The following MTHFD2L variants were observed in gnomAD, a reference collection of about 807,000 sequenced individuals.
MTHFD2L encodes the protein methylenetetrahydrofolate dehydrogenase (NADP+ dependent) 2 like.
In MTHFD2L, 29 loss-of-function variants were observed where a neutral mutation model predicts 34.9. The ratio of observed to expected loss-of-function variants is 0.83; its 90% CI spans 0.62 to 1.13. The LOEUF (loss-of-function observed/expected upper bound fraction) is 1.13. Among genes scored for constraint, MTHFD2L ranks in the 50% most tolerant of loss-of-function variants. The pLI, the probability that MTHFD2L is intolerant of heterozygous loss-of-function variation, is 0.00. For missense variants in MTHFD2L, 481 were observed against 446.5 expected (o/e 1.08, Z -0.70); for synonymous variants, 167 against 155.7 (o/e 1.07, Z -0.54).
At chr4:74,188,219 A>T (rs1390492729) in intron 3 of MTHFD2L, among the ~76,000 whole-genome samples, 1 of 152,206 alleles carries the variant, frequency 6.6e-6, no homozygotes, top group Admixed American at 6.5e-5. Flanking sequence ...ATAAGAAAAT[A>T]CCATGGAATG....
chr4:74,190,223 A>T (rs1187530403), intron 3 of MTHFD2L, among the ~76,000 whole-genome samples: 1 of 152,138 alleles, frequency 6.6e-6, no homozygotes, highest in Non-Finnish European at 1.5e-5. Flanking sequence ...AGTACTGTAT[A>T]TTTGACAGAA....
At chr4:74,241,887 A>G (rs1374640690) in intron 6 of MTHFD2L, 1 of 158,898 alleles carries the variant, frequency 6.3e-6, no homozygotes, top group Admixed American at 6.4e-5. Flanking sequence ...TCTTTGTTCA[A>G]TCATAGAATA....
intron 1 of MTHFD2L, among the ~76,000 whole-genome samples, chr4:74,149,473 A>G (rs550128532): frequency 6.6e-6 from 1 of 152,346 alleles, no homozygotes; most frequent in African/African-American, 2.4e-5. Context: ...AGTAAAAGGG[A>G]AAAAGCAAGT....
At chr4:74,280,339 G>C (rs183150443) in intron 6 of MTHFD2L, 1 of 152,218 alleles carries the variant, frequency 6.6e-6, no homozygotes. Flanking sequence ...GAAGCCAGCT[G>C]CCAAGCTGTG....
chr4:74,115,657 CA>C (rs1266219671), intron 2 of MTHFD2L, among the ~76,000 whole-genome samples: 1 of 152,208 alleles, frequency 6.6e-6, no homozygotes, highest in Non-Finnish European at 1.5e-5. Context: ...CAGCAGTTTC[CA>C]AAGTTCCTCT....
intron 1 of MTHFD2L, among the ~76,000 whole-genome samples, chr4:74,169,901 G>T (rs569264742): frequency 1.4e-4 from 21 of 152,080 alleles, no homozygotes; most frequent in Non-Finnish European, 5.9e-5. Context: ...GTATTGGAAG[G>T]TACAAAGCAC....
intron 5 of MTHFD2L, among the ~76,000 whole-genome samples, chr4:74,210,014 A>G (rs1282860359): frequency 6.6e-6 from 1 of 152,176 alleles, no homozygotes; most frequent in African/African-American, 2.4e-5. Flanking sequence ...GTGTCTGTTC[A>G]TATCCTTCAC....
chr4:74,204,883 C>T (rs1041260252), intron 5 of MTHFD2L, among the ~76,000 whole-genome samples: 4 of 152,056 alleles, frequency 2.6e-5, no homozygotes, highest in Non-Finnish European at 5.9e-5. Context: ...TGGCAGTGAC[C>T]TCTGGGGAAA....
chr4:74,212,297 T>A (rs1159085893), intron 5 of MTHFD2L, among the ~76,000 whole-genome samples: 1 of 152,200 alleles, frequency 6.6e-6, no homozygotes, highest in African/African-American at 2.4e-5. Context: ...GGGTGTCGAT[T>A]TTAGATCTGT....
chr4:74,259,852 G>A (rs745996873), intron 6 of MTHFD2L, among the ~76,000 whole-genome samples: 1 of 152,156 alleles, frequency 6.6e-6, no homozygotes, highest in African/African-American at 2.4e-5. Flanking sequence ...TTAGACATTG[G>A]AGCCATTAAT....
At chr4:74,207,879 A>G (rs1735630743) in intron 5 of MTHFD2L, among the ~76,000 whole-genome samples, 1 of 150,268 alleles carries the variant, frequency 6.7e-6, no homozygotes, top group East Asian at 2.0e-4. Context: ...ATGTGTGATT[A>G]AGCTCAGCCT....
At chr4:74,207,683 C>G (rs16850670) in intron 5 of MTHFD2L, among the ~76,000 whole-genome samples, 1 of 151,806 alleles carries the variant, frequency 6.6e-6, no homozygotes, top group Non-Finnish European at 1.5e-5. Flanking sequence ...CAAGAGGCAC[C>G]CTATCTAAAT....
intron 5 of MTHFD2L, among the ~76,000 whole-genome samples, chr4:74,205,811 C>T (rs190072706): frequency 6.6e-6 from 1 of 151,892 alleles, no homozygotes; most frequent in Non-Finnish European, 1.5e-5. Flanking sequence ...CCTCCCAGAG[C>T]TATAGTCTTG....
At chr4:74,273,468 A>G (rs1265134965) in intron 6 of MTHFD2L, among the ~76,000 whole-genome samples, 1 of 152,124 alleles carries the variant, frequency 6.6e-6, no homozygotes. Context: ...AATAATTTTG[A>G]AGTCTGAATA....
At position 74,187,800 on chromosome 4, in the gene MTHFD2L, TACACACACACACAC is replaced by T. The variant is rs61173269; in HGVS notation, c.452-11972_452-11959del. On this transcript the variant is annotated intron_variant, in intron 3 of 7. Transcript: ENST00000325278. ...TCCAGCCATTCTGTGCCTGTGTATT[TACACACACACACAC>T]ACACACACACACACACACACATTGG... Among the ~76,000 whole-genome samples, 122 of 143,526 alleles carry T rather than the reference TACACACACACACAC, an allele frequency of 8.5e-4. 1 individual carries two copies. The highest frequency in any genetic ancestry group is 1.1e-3 in the Admixed American group (16 of 14,734). The allele number at this position is 143,526 out of a possible 152,430, so 94.2% of individuals were successfully genotyped here.
At chr4:74,145,588 A>G (rs572919237) in intron 1 of MTHFD2L, among the ~76,000 whole-genome samples, 1 of 152,344 alleles carries the variant, frequency 6.6e-6, no homozygotes, top group East Asian at 1.9e-4. Flanking sequence ...CTAACAATAT[A>G]TTGACATTTG....
At chr4:74,175,608 G>A (rs1321381407) in intron 3 of MTHFD2L, among the ~76,000 whole-genome samples, 1 of 152,006 alleles carries the variant, frequency 6.6e-6, no homozygotes, top group Non-Finnish European at 1.5e-5. Flanking sequence ...ATAAGCATTG[G>A]CAATACATAC....
chr4:74,293,406 C>T, intron 7 of MTHFD2L: 1 of 382,996 alleles, frequency 2.6e-6, no homozygotes, highest in Non-Finnish European at 3.6e-6. Flanking sequence ...AAAACTTAGC[C>T]ACCCTACAAA....
At chr4:74,211,542 T>G (rs1736322064) in intron 5 of MTHFD2L, among the ~76,000 whole-genome samples, 1 of 152,228 alleles carries the variant, frequency 6.6e-6, no homozygotes, top group Admixed American at 6.5e-5. Flanking sequence ...GCCAACTTGA[T>G]TGTGCCAGTT....
Sources: gnomAD v4.1 joint callset for allele counts (sites outside exome capture counted in the v4.1 genomes callset) on GRCh38, gnomAD v4.1.1 for gene constraint, MANE v1.5 for transcripts, NCBI Gene and HGNC (gene_info 2026-07-23, HGNC 2026-07-21) for gene names.